The following RIC3 variants were observed in gnomAD, a reference collection of about 807,000 sequenced individuals.
RIC3 encodes the protein RIC3 acetylcholine receptor chaperone.
In RIC3, 28 loss-of-function variants were observed where a neutral mutation model predicts 27.3. The ratio of observed to expected loss-of-function variants is 1.02; its 90% CI spans 0.76 to 1.41. The LOEUF (loss-of-function observed/expected upper bound fraction) is 1.41. RIC3 is among the 40% of genes most tolerant of loss of function. The pLI is 0.00. For missense variants in RIC3, 501 were observed against 444.7 expected (o/e 1.13, Z -1.14); for synonymous variants, 184 against 160.4 (o/e 1.15, Z -1.11).
intron 4 of RIC3, chr11:8,128,131 T>A (rs1463451290): frequency 1.1e-5 from 5 of 454,096 alleles, no homozygotes; most frequent in Non-Finnish European, 2.2e-5. Flanking sequence ...TCTCCACAAC[T>A]GCTCGTGTGT....
At chr11:8,142,569 T>C (rs1333757004) in intron 1 of RIC3, among the ~76,000 whole-genome samples, 7 of 148,168 alleles carry the variant, frequency 4.7e-5, no homozygotes, top group Non-Finnish European at 1.0e-4. Context: ...CAGGACCAGA[T>C]GGATTCACAG....
intron 1 of RIC3, among the ~76,000 whole-genome samples, chr11:8,166,523 T>C (rs1331940338): frequency 1.3e-5 from 2 of 152,218 alleles, no homozygotes; most frequent in Non-Finnish European, 2.9e-5. Context: ...ATTCTCTGAA[T>C]TGATACTGAA....
At chr11:8,112,417 C>G (rs760839544) in intron 5 of RIC3, among the ~76,000 whole-genome samples, 2 of 152,148 alleles carry the variant, frequency 1.3e-5, no homozygotes, top group South Asian at 4.2e-4. Context: ...CCTCAGCCTC[C>G]TGAGTAGCTG....
chr11:8,161,757 G>T (rs1322304543), intron 1 of RIC3, among the ~76,000 whole-genome samples: 1 of 152,210 alleles, frequency 6.6e-6, no homozygotes, highest in Non-Finnish European at 1.5e-5. Context: ...TGTAATCCCA[G>T]CACGTTAGGA....
At chr11:8,166,997 T>C (rs1951751824) in intron 1 of RIC3, among the ~76,000 whole-genome samples, 2 of 152,134 alleles carry the variant, frequency 1.3e-5, no homozygotes, top group South Asian at 4.1e-4. Flanking sequence ...TTCTCAATGG[T>C]GTATGTAACC....
rs1340365411 is a variant in RIC3, at chr11:8,109,493, T to C, written c.*1205A>G. On this transcript the variant is annotated 3_prime_UTR_variant, in exon 6 of 6. Coordinates refer to ENST00000309737, the MANE Select transcript of RIC3 (RefSeq NM_001206671.4). ...AAAATCCTCCCAGTCTTAATCTAGT[T>C]GCTGCTACTTTCCCCAGCTCTCTCA... 2 of 152,096 alleles carry C rather than the reference T, an allele frequency of 1.3e-5. No homozygotes were observed. The highest frequency in any genetic ancestry group is 4.8e-5 in the African/African-American group (2 of 41,384). The allele number at this position is 152,096 out of a possible 1,614,324, so 9.4% of individuals were successfully genotyped here.
intron 1 of RIC3, among the ~76,000 whole-genome samples, chr11:8,144,180 G>T (rs1390444231): frequency 2.0e-5 from 3 of 151,850 alleles, no homozygotes; most frequent in Admixed American, 2.0e-4. Flanking sequence ...TTGTCAAATG[G>T]GATCTAATGA....
At chr11:8,136,697 TC>T (rs1948461554) in intron 4 of RIC3, among the ~76,000 whole-genome samples, 1 of 152,228 alleles carries the variant, frequency 6.6e-6, no homozygotes. Context: ...TCACACTTGC[TC>T]TCTTCTCTCA....
At chr11:8,157,239 G>A (rs1451374772) in intron 1 of RIC3, among the ~76,000 whole-genome samples, 2 of 152,216 alleles carry the variant, frequency 1.3e-5, no homozygotes, top group African/African-American at 4.8e-5. Context: ...CCAGTGCTGA[G>A]TAATGTGAAC....
intron 4 of RIC3, among the ~76,000 whole-genome samples, chr11:8,128,918 CTAAT>C (rs1027114341): frequency 6.6e-5 from 10 of 151,922 alleles, no homozygotes; most frequent in African/African-American, 2.2e-4. Context: ...CCTCGCCTGG[CTAAT>C]TTTTTGTATT....
chr11:8,141,761 T>G lies in RIC3; in HGVS notation c.125-1568A>C, dbSNP rs562562265. ...CACCACACCACAACTATTCCAAAAT[T>G]GACCACATACTTGGAAGTAAAGCTC... is the stretch of plus-strand genomic sequence containing the variant. On this transcript the variant is annotated intron_variant, in intron 1 of 5. Transcript: ENST00000309737. Among the ~76,000 whole-genome samples the G allele has an allele frequency of 3.3e-5, 5 of 152,246 alleles. No homozygotes were observed. In the South Asian group the frequency reaches 1.0e-3, roughly 32 times the overall value.
chr11:8,121,466 A>C (rs1256202550), intron 5 of RIC3, among the ~76,000 whole-genome samples: 1 of 152,144 alleles, frequency 6.6e-6, no homozygotes. Flanking sequence ...CTGTAATCCC[A>C]GCACTTTGGG....
chr11:8,129,176 T>C (rs1384655743), intron 4 of RIC3, among the ~76,000 whole-genome samples: 1 of 151,898 alleles, frequency 6.6e-6, no homozygotes, highest in Non-Finnish European at 1.5e-5. Context: ...CCTCCTCCCT[T>C]AGCTATTGAG....
At chr11:8,136,105 C>A (rs988703772) in intron 4 of RIC3, among the ~76,000 whole-genome samples, 2 of 152,194 alleles carry the variant, frequency 1.3e-5, no homozygotes, top group African/African-American at 4.8e-5. Context: ...TGGGCCCACA[C>A]AGGCAAGGTT....
At chr11:8,140,889 A>G (rs112940030) in intron 1 of RIC3, among the ~76,000 whole-genome samples, 7,178 of 151,626 alleles carry the variant, frequency 0.047, 261 homozygotes, top group African/African-American at 0.1. Context: ...ACATTCTTAA[A>G]GAAAAGAATT....
At chr11:8,097,106 C>T in the RIC3 span, 260 of 1,148,420 alleles carry the variant, frequency 2.3e-4, no homozygotes, top group African/African-American at 3.4e-3. Context: ...TGGCCAGGCC[C>T]CAATCCCAGG....
intron 1 of RIC3, among the ~76,000 whole-genome samples, chr11:8,163,811 ATTTT>A (rs35000979): frequency 7.3e-6 from 1 of 136,788 alleles, no homozygotes. Flanking sequence ...CCCAACTGGC[ATTTT>A]TTTTTTTTTT....
chr11:8,139,860 G>C lies in RIC3; in HGVS notation c.351+107C>G, dbSNP rs886397788. On this transcript the variant is annotated intron_variant, in intron 2 of 5. Coordinates refer to ENST00000309737, the MANE Select transcript of RIC3 (RefSeq NM_001206671.4). The stretch of plus-strand genomic sequence containing the variant: ...GGAGGCAGGATTTAAAGAGATGATG[G>C]ATTTGAAATAATTTTATGAACTATA... 7 of 977,726 alleles carry C rather than the reference G, an allele frequency of 7.2e-6. No homozygotes were observed. The African/African-American group carries it at 8.3e-5, about 12-fold the overall frequency. The allele number at this position is 977,726 out of a possible 1,614,324, so 60.6% of individuals were successfully genotyped here.
rs922240919 is a variant in RIC3 at position 8,106,382 on chromosome 11, A to C, written c.*4316T>G. 8 of 152,352 alleles carry C rather than the reference A, an allele frequency of 5.3e-5. No individual in the cohort carries two copies. The East Asian group carries it at 1.5e-3, about 29-fold the overall frequency. 9.4% of individuals were successfully genotyped at this position (152,352 alleles called of 1,614,324 possible). ...TAGCAAAGAGATCATAACCTCACCAATGACATGTGGGTCAACACTGTCCTT... is the reference window on the plus strand; with the variant it reads ...TAGCAAAGAGATCATAACCTCACCACTGACATGTGGGTCAACACTGTCCTT... On this transcript the variant is annotated 3_prime_UTR_variant, in exon 6 of 6. Transcript: ENST00000309737.
Sources: allele counts gnomAD v4.1 joint callset (sites outside exome capture counted in the v4.1 genomes callset), GRCh38; gene constraint gnomAD v4.1.1; transcripts MANE v1.5; gene names NCBI Gene and HGNC (gene_info 2026-07-23, HGNC 2026-07-21).